CNTNAP2: variants seen among roughly 807,000 people sequenced by gnomAD.
The protein encoded by CNTNAP2 is contactin associated protein 2.
CNTNAP2 carries 98 observed loss-of-function variants against 155.2 expected under a neutral mutation model. The ratio of observed to expected loss-of-function variants is 0.63; its 90% CI spans 0.54 to 0.75. The LOEUF (loss-of-function observed/expected upper bound fraction) is 0.75, where lower values mean the gene tolerates loss of function less well. Among genes scored for constraint, CNTNAP2 ranks in the 30% least tolerant of loss-of-function variants. The probability of loss-of-function intolerance (pLI) is 0.00; values close to 1 mark genes in which losing one functional copy is unlikely to be tolerated. For missense variants in CNTNAP2, 1,727 were observed against 1,688.1 expected (o/e 1.02, Z -0.40); for synonymous variants, 651 against 631.2 (o/e 1.03, Z -0.47).
At chr7:147,745,439 A>G (rs1797022326) in intron 13 of CNTNAP2, among the ~76,000 whole-genome samples, 2 of 152,204 alleles carry the variant, frequency 1.3e-5, no homozygotes, top group South Asian at 4.1e-4. Context: ...GAATATGTTA[A>G]GAGAGAAAGC....
intron 3 of CNTNAP2, among the ~76,000 whole-genome samples, chr7:146,869,905 T>C (rs970330908): frequency 6.6e-6 from 1 of 152,154 alleles, no homozygotes; most frequent in African/African-American, 2.4e-5. Flanking sequence ...CTGGTAACAC[T>C]CAGAAACACC....
intron 2 of CNTNAP2, among the ~76,000 whole-genome samples, chr7:146,811,259 T>A (rs1330670342): frequency 1.3e-5 from 2 of 152,208 alleles, no homozygotes; most frequent in African/African-American, 2.4e-5. Context: ...TGATGCCATG[T>A]GTTTTAGGCT....
At chr7:146,711,463 ATATG>A (rs1383776157) in intron 1 of CNTNAP2, among the ~76,000 whole-genome samples, 2 of 148,256 alleles carry the variant, frequency 1.3e-5, no homozygotes, top group East Asian at 3.9e-4. Context: ...TTTATAATAT[ATATG>A]AACATATTTA....
At chr7:146,853,437 TC>T (rs1285071674) in intron 3 of CNTNAP2, among the ~76,000 whole-genome samples, 1 of 152,080 alleles carries the variant, frequency 6.6e-6, no homozygotes, top group East Asian at 1.9e-4. Context: ...ACTATTAATC[TC>T]CCCCCAAATA....
intron 1 of CNTNAP2, among the ~76,000 whole-genome samples, chr7:146,169,979 C>G (rs1156802702): frequency 6.6e-6 from 1 of 151,136 alleles, no homozygotes; most frequent in Non-Finnish European, 1.5e-5. Context: ...GGATATATAC[C>G]CAAAAGTGGG....
At chr7:146,928,468 A>G (rs757377831) in intron 3 of CNTNAP2, among the ~76,000 whole-genome samples, 1 of 152,216 alleles carries the variant, frequency 6.6e-6, no homozygotes, top group Non-Finnish European at 1.5e-5. Context: ...AAGATGGCCA[A>G]ATAGGAACAG....
chr7:147,704,950 G>T (rs1796289114), intron 13 of CNTNAP2, among the ~76,000 whole-genome samples: 1 of 151,612 alleles, frequency 6.6e-6, no homozygotes, highest in Non-Finnish European at 1.5e-5. Flanking sequence ...TTTTATTTGG[G>T]TCTTCTTTAT....
intron 13 of CNTNAP2, among the ~76,000 whole-genome samples, chr7:147,857,118 T>A (rs1347781043): frequency 2.0e-5 from 3 of 152,252 alleles, no homozygotes; most frequent in African/African-American, 7.2e-5. Flanking sequence ...AATGTTTTGG[T>A]ATATTTGTCA....
intron 1 of CNTNAP2, among the ~76,000 whole-genome samples, chr7:146,418,313 C>T (rs561743240): frequency 6.6e-6 from 1 of 152,252 alleles, no homozygotes; most frequent in African/African-American, 2.4e-5. Flanking sequence ...ATCCCAGCAC[C>T]TACTTGACCT....
At chr7:148,268,470 G>C (rs943059051) in intron 21 of CNTNAP2, among the ~76,000 whole-genome samples, 1 of 151,940 alleles carries the variant, frequency 6.6e-6, no homozygotes, top group Admixed American at 6.6e-5. Flanking sequence ...TGGCTAACAC[G>C]GTGAAACCCC....
At chr7:147,033,170 A>G (rs58655257) in intron 3 of CNTNAP2, among the ~76,000 whole-genome samples, 112 of 46,202 alleles carry the variant, frequency 2.4e-3, no homozygotes, top group African/African-American at 9.1e-3. Context: ...GTATATATAT[A>G]TATATATATA....
At chr7:148,090,058 A>G (rs1405644692) in intron 15 of CNTNAP2, among the ~76,000 whole-genome samples, 1 of 152,006 alleles carries the variant, frequency 6.6e-6, no homozygotes, top group East Asian at 1.9e-4. Context: ...CCATACATAG[A>G]AGTGTGAAAC....
chr7:146,197,156 A>G (rs1263886788), intron 1 of CNTNAP2, among the ~76,000 whole-genome samples: 1 of 152,190 alleles, frequency 6.6e-6, no homozygotes, highest in African/African-American at 2.4e-5. Flanking sequence ...AGCATAAACT[A>G]GCATTTTTTT....
chr7:147,414,723 C>T (rs1368884568), intron 10 of CNTNAP2, among the ~76,000 whole-genome samples: 8 of 151,974 alleles, frequency 5.3e-5, no homozygotes, highest in South Asian at 2.1e-4. Flanking sequence ...GGGCGGATCA[C>T]GAGGTCAGGA....
At chr7:148,067,539 T>A (rs948225235) in intron 15 of CNTNAP2, among the ~76,000 whole-genome samples, 2 of 152,168 alleles carry the variant, frequency 1.3e-5, no homozygotes, top group African/African-American at 4.8e-5. Context: ...GGGTCTTTAG[T>A]TGTAGTTTTG....
chr7:146,591,751 G>A (rs939574010), intron 1 of CNTNAP2, among the ~76,000 whole-genome samples: 1 of 151,170 alleles, frequency 6.6e-6, no homozygotes, highest in Non-Finnish European at 1.5e-5. Context: ...CTTTGTGGGT[G>A]ATGTCCACTA....
chr7:146,173,488 T>G (rs1264630418), intron 1 of CNTNAP2, among the ~76,000 whole-genome samples: 1 of 151,700 alleles, frequency 6.6e-6, no homozygotes. Context: ...ATCTTGCTTG[T>G]GTAGTTTATA....
chr7:146,453,724 T>C (rs1038704610), intron 1 of CNTNAP2, among the ~76,000 whole-genome samples: 7 of 151,836 alleles, frequency 4.6e-5, no homozygotes, highest in African/African-American at 1.4e-4. Context: ...AAATTAGAGG[T>C]ACAGAAGATA....
At chr7:146,181,148 C>T (rs923323778) in intron 1 of CNTNAP2, among the ~76,000 whole-genome samples, 1 of 152,142 alleles carries the variant, frequency 6.6e-6, no homozygotes, top group African/African-American at 2.4e-5. Flanking sequence ...TTACTTTAAG[C>T]ACTTTGGGGG....
Sources: gnomAD v4.1 joint callset for allele counts (sites outside exome capture counted in the v4.1 genomes callset) on GRCh38, gnomAD v4.1.1 for gene constraint, MANE v1.5 for transcripts, NCBI Gene and HGNC (gene_info 2026-07-23, HGNC 2026-07-21) for gene names.